Variants in TET3 observed in about 807,000 individuals in gnomAD.
TET3 encodes the protein methylcytosine dioxygenase TET3.
Under a neutral mutation model 141.4 loss-of-function variants are expected in TET3, and 19 were observed. The observed-to-expected ratio is 0.13, with a 90% CI of 0.09 to 0.20. TET3 has a LOEUF of 0.20. TET3 is among the 10% of genes least tolerant of loss of function. The pLI is 1.00. For missense variants in TET3, 1,874 were observed against 2,356.9 expected (o/e 0.80, Z 4.24); for synonymous variants, 1,043 against 980.9 (o/e 1.06, Z -1.18).
intron 4 of TET3, among the ~76,000 whole-genome samples, chr2:74,057,466 C>A (rs928226009): frequency 9.2e-5 from 14 of 152,226 alleles, no homozygotes; most frequent in Non-Finnish European, 1.8e-4. Flanking sequence ...CTACAAGCAT[C>A]CAGTTATCTA....
chr2:74,074,754 A>AAC (rs10657265), intron 5 of TET3, among the ~76,000 whole-genome samples: 51,083 of 152,136 alleles, frequency 0.34, 9,632 homozygotes, highest in African/African-American at 0.51. Flanking sequence ...GATGTGTGGA[A>AAC]ACACTTAGTG....
intron 3 of TET3, among the ~76,000 whole-genome samples, chr2:74,028,334 T>C (rs1229443228): frequency 1.3e-5 from 2 of 152,190 alleles, no homozygotes; most frequent in Non-Finnish European, 2.9e-5. Context: ...CAAAAGTTTT[T>C]AATTTTGATG....
At chr2:74,067,113 CT>C (rs1238339556) in intron 4 of TET3, among the ~76,000 whole-genome samples, 2 of 152,170 alleles carry the variant, frequency 1.3e-5, no homozygotes, top group African/African-American at 2.4e-5. Context: ...CCACTCCCCC[CT>C]GCTCTCCCTT....
In TET3 at chr2:74,080,564, C is replaced by G; in HGVS notation, c.2652C>G (p.Ser884Arg). 1 of 1,613,140 alleles carries G rather than the reference C, an allele frequency of 6.2e-7. No homozygotes were observed. The highest frequency in any genetic ancestry group is 1.3e-5 in the African/African-American group (1 of 75,018). The change falls in exon 6 of 12, where the codon AGC becomes AGG. Residue 884 changes from serine to arginine, a missense_variant. Ser to Arg is a moderately radical substitution (Grantham distance 110). This residue lies in a region of TET3 where 126 missense variants were observed against 327.4 expected (regional missense o/e 0.38). Transcript: ENST00000409262. ...KVIYTGKEGK[S>R]SRGCPIAKWV... is the part of the protein sequence containing the mutation. ...TCTACACGGGGAAGGAGGGAAAGAGCTCCCGCGGTTGCCCCATTGCAAAGT... is the reference window on the plus strand; with the variant it reads ...TCTACACGGGGAAGGAGGGAAAGAGGTCCCGCGGTTGCCCCATTGCAAAGT...
At chr2:74,109,249 C>CAA (rs751839153), downstream of TET3, among the ~76,000 whole-genome samples, 14 of 152,268 alleles carry the variant, frequency 9.2e-5, no homozygotes, top group East Asian at 2.3e-3. Context: ...TCTTCTTATA[C>CAA]AAGTTCCATG....
chr2:74,124,339 C>T, the TET3 span, among the ~76,000 whole-genome samples: 1 of 151,544 alleles, frequency 6.6e-6, no homozygotes, highest in Non-Finnish European at 1.5e-5. Flanking sequence ...CGGCCAGCCG[C>T]CCCGTCCGGG....
intron 2 of TET3, among the ~76,000 whole-genome samples, chr2:73,988,377 G>T (rs1044003686): frequency 3.3e-5 from 5 of 152,176 alleles, no homozygotes; most frequent in Admixed American, 6.5e-5. Context: ...TTAAACGGGA[G>T]GAATGAGGAT....
rs772068945 is a variant in TET3 at position 74,046,539 on chromosome 2, G to A, written c.622G>A (p.Glu208Lys). The change falls in exon 4 of 12, where the codon GAA becomes AAA. Residue 208 changes from glutamate (E) to lysine (K), a missense_variant. Glu to Lys is a moderately conservative substitution (Grantham distance 56, BLOSUM62 1). Transcript: ENST00000409262. The surrounding 1 kb of genome is among the most constrained non-coding windows in gnomAD (Gnocchi z 4.3). ...HDLVAFSAVA[E>K]AVSSYGALST... ...TCTGGTGGCCTTTTCGGCTGTGGCC[G>A]AAGCTGTGTCCTCTTATGGGGCCCT... 5.0e-6 allele frequency: 8 copies of A among 1,613,898 alleles called. No individual in the cohort carries two copies. The highest frequency in any genetic ancestry group is 1.6e-4 in the Middle Eastern group (1 of 6,084).
At chr2:74,082,613 T>C (rs771025193) in intron 6 of TET3, among the ~76,000 whole-genome samples, 4 of 151,500 alleles carry the variant, frequency 2.6e-5, no homozygotes, top group Non-Finnish European at 4.4e-5. Context: ...CACAGAACTA[T>C]TGTAGTGGCA....
intron 4 of TET3, among the ~76,000 whole-genome samples, chr2:74,051,221 C>T (rs1687924115): frequency 6.6e-6 from 1 of 152,154 alleles, no homozygotes; most frequent in Admixed American, 6.5e-5. Flanking sequence ...GAGCCTCCAC[C>T]AGAGAGGATA....
chr2:73,989,703 C>T (rs1220952761), intron 2 of TET3, among the ~76,000 whole-genome samples: 3 of 152,120 alleles, frequency 2.0e-5, no homozygotes, highest in South Asian at 2.1e-4. Flanking sequence ...TGTGGTCTTC[C>T]TTCCTAGTTC....
At chr2:74,073,424 T>G in intron 4 of TET3, 125 bp from the exon 5 acceptor site, 1 of 615,708 alleles carries the variant, frequency 1.6e-6, no homozygotes, top group Non-Finnish European at 2.8e-6. Flanking sequence ...TTTCACATGT[T>G]CATAAGCCAT....
intron 3 of TET3, among the ~76,000 whole-genome samples, chr2:74,027,401 G>A (rs956906529): frequency 2.4e-4 from 36 of 147,762 alleles, no homozygotes; most frequent in Admixed American, 2.4e-3. Flanking sequence ...TTCACCCATT[G>A]GCAGTGTATA....
At chr2:74,019,337 A>G (rs1685906456) in intron 3 of TET3, among the ~76,000 whole-genome samples, 1 of 152,166 alleles carries the variant, frequency 6.6e-6, no homozygotes, top group African/African-American at 2.4e-5. Flanking sequence ...TTCTTCCTAG[A>G]TATGCTGTAG....
Position 74,047,559 on chromosome 2 carries a change from T to C in TET3, c.1642T>C (p.Phe548Leu), listed in dbSNP as rs1319935078. The change falls in exon 4 of 12, where the codon TTC becomes CTC. Residue 548 changes from phenylalanine (F) to leucine (L), a missense_variant. Phe to Leu is a conservative substitution (Grantham distance 22). This residue lies in a region of TET3 where 484 missense variants were observed against 462.2 expected (regional missense o/e 1.05). Transcript: ENST00000409262. Reference protein sequence around the residue: ...LFLEQVHDTSFPAPSEPSAPG... With the variant: ...LFLEQVHDTSLPAPSEPSAPG... ...CCTAGAACAGGTGCACGACACCTCC[T>C]TCCCTGCTCCTTCAGAGCCTTCTGC... 1 of 1,613,902 alleles carries C rather than the reference T, an allele frequency of 6.2e-7. No homozygotes were observed. The highest frequency in any genetic ancestry group is 1.3e-5 in the African/African-American group (1 of 75,056).
At chr2:74,036,399 A>G (rs1687058494) in intron 3 of TET3, among the ~76,000 whole-genome samples, 1 of 152,246 alleles carries the variant, frequency 6.6e-6, no homozygotes, top group South Asian at 2.1e-4. Flanking sequence ...AAGAAGAAAT[A>G]TAAAATTTAA....
rs1001860763 is a variant in TET3 at position 74,105,536 on chromosome 2, C to A, written c.*3360C>A. The A allele has an allele frequency of 2.5e-6, 1 of 398,144 alleles. No homozygotes were observed. Among genetic ancestry groups the A allele is most frequent in the African/African-American group, 2.1e-5 (1 of 48,564 alleles). 24.7% of individuals were successfully genotyped at this position (398,144 alleles called of 1,614,324 possible). A position where few individuals can be genotyped will look rare whatever the true frequency, so the allele number is the denominator to read the frequency against. ...TTTTGGGTCTGGCTTTTAGCAGGGCCAATGTTTCCCACACCCCGGCTTCAT... is the reference window on the plus strand; with the variant it reads ...TTTTGGGTCTGGCTTTTAGCAGGGCAAATGTTTCCCACACCCCGGCTTCAT... On this transcript the variant is annotated 3_prime_UTR_variant, in exon 12 of 12. Coordinates refer to ENST00000409262, the MANE Select transcript of TET3 (RefSeq NM_001287491.2).
At chr2:74,094,815 G>A (rs1056550885) in intron 10 of TET3, among the ~76,000 whole-genome samples, 1 of 152,178 alleles carries the variant, frequency 6.6e-6, no homozygotes, top group East Asian at 1.9e-4. Flanking sequence ...AACATGGACC[G>A]AGATGTAAGT....
chr2:74,019,711 C>A (rs923536082), intron 3 of TET3, among the ~76,000 whole-genome samples: 1 of 152,202 alleles, frequency 6.6e-6, no homozygotes. Context: ...TCTCAAGCAG[C>A]CCTGGCTCCA....
Sources: gnomAD v4.1 joint callset for allele counts (sites outside exome capture counted in the v4.1 genomes callset) on GRCh38, gnomAD v4.1.1 for gene constraint, gnomAD v4.1.1 regional missense constraint, Gnocchi (gnomAD v3.1) non-coding constraint, MANE v1.5 for transcripts, NCBI Gene and HGNC (gene_info 2026-07-23, HGNC 2026-07-21) for gene names.